STXBP5L: variants seen among roughly 807,000 people sequenced by gnomAD.
The protein encoded by STXBP5L is syntaxin-binding protein 5-like.
Under a neutral mutation model 144.5 loss-of-function variants are expected in STXBP5L, and 65 were observed. That is an observed-to-expected ratio of 0.45 (90% CI 0.37 to 0.55). The LOEUF (loss-of-function observed/expected upper bound fraction) is 0.55, where lower values mean the gene tolerates loss of function less well. STXBP5L is among the 20% of genes least tolerant of loss of function. The pLI, the probability that STXBP5L is intolerant of heterozygous loss-of-function variation, is 0.00. For synonymous variants in STXBP5L, 505 were observed against 469.6 expected (o/e 1.08, Z -0.97); for missense variants, 1,298 against 1,405.5 (o/e 0.92, Z 1.22).
chr3:121,313,048 C>A (rs1468943048), intron 19 of STXBP5L, among the ~76,000 whole-genome samples: 10 of 148,248 alleles, frequency 6.7e-5, no homozygotes, highest in East Asian at 4.2e-4. Context: ...CGGGCAGAAG[C>A]GCCCCTCACC....
At chr3:121,350,765 T>C (rs2108611178) in intron 20 of STXBP5L, among the ~76,000 whole-genome samples, 1 of 152,296 alleles carries the variant, frequency 6.6e-6, no homozygotes, top group Admixed American at 6.5e-5. Flanking sequence ...CTACTGAGGC[T>C]TGTGCATTCA....
At chr3:121,092,746 A>G (rs950944770) in intron 5 of STXBP5L, among the ~76,000 whole-genome samples, 1 of 152,160 alleles carries the variant, frequency 6.6e-6, no homozygotes, top group African/African-American at 2.4e-5. Context: ...CTCTTTTCCT[A>G]ATTGAATACC....
chr3:121,198,419 C>T (rs1197099237), intron 9 of STXBP5L, among the ~76,000 whole-genome samples: 2 of 152,000 alleles, frequency 1.3e-5, no homozygotes, highest in African/African-American at 4.8e-5. Context: ...AAAATTTTCT[C>T]CCATTCTGTT....
At chr3:121,315,313 G>T (rs2043744486) in intron 19 of STXBP5L, among the ~76,000 whole-genome samples, 1 of 151,938 alleles carries the variant, frequency 6.6e-6, no homozygotes, top group Admixed American at 6.6e-5. Flanking sequence ...CCATAAAAAT[G>T]GATGAGTTCA....
At chr3:120,937,708 A>T (rs1231177181) in intron 2 of STXBP5L, among the ~76,000 whole-genome samples, 1 of 152,218 alleles carries the variant, frequency 6.6e-6, no homozygotes, top group Non-Finnish European at 1.5e-5. Context: ...ATGCCAGACT[A>T]GAAATGGAAA....
intron 5 of STXBP5L, among the ~76,000 whole-genome samples, chr3:121,090,298 T>A (rs1020839601): frequency 2.0e-5 from 3 of 152,080 alleles, no homozygotes; most frequent in Non-Finnish European, 4.4e-5. Flanking sequence ...CTCACTGACA[T>A]CTTAGATAGG....
intron 22 of STXBP5L, among the ~76,000 whole-genome samples, chr3:121,391,696 C>T (rs2046588860): frequency 6.6e-6 from 1 of 152,190 alleles, no homozygotes; most frequent in Admixed American, 6.5e-5. Context: ...CCCTGTTTGC[C>T]TTGGTATCAC....
At chr3:121,359,983 T>TATAATATATATATTATTACTATATA (rs2045656241) in intron 20 of STXBP5L, among the ~76,000 whole-genome samples, 1 of 110,924 alleles carries the variant, frequency 9.0e-6, no homozygotes, top group Non-Finnish European at 1.8e-5. Flanking sequence ...TAATATAATA[T>TATAATATATATATTATTACTATATA]ATATAATATA....
chr3:121,004,534 C>T, intron 3 of STXBP5L, among the ~76,000 whole-genome samples: 1 of 151,710 alleles, frequency 6.6e-6, no homozygotes. Flanking sequence ...TAATTGAATA[C>T]CCTTTATTTC....
At chr3:121,039,630 A>G (rs925332586) in intron 3 of STXBP5L, among the ~76,000 whole-genome samples, 12 of 151,830 alleles carry the variant, frequency 7.9e-5, no homozygotes, top group East Asian at 3.9e-4. Context: ...AGGTCTGTTC[A>G]TGATGAATTA....
chr3:121,081,865 C>T (rs1156642029), intron 5 of STXBP5L, among the ~76,000 whole-genome samples: 1 of 152,184 alleles, frequency 6.6e-6, no homozygotes, highest in East Asian at 1.9e-4. Flanking sequence ...GCCAGACTAG[C>T]AGGAAAGCTA....
At chr3:121,315,382 A>G (rs1294997006) in intron 19 of STXBP5L, among the ~76,000 whole-genome samples, 1 of 151,720 alleles carries the variant, frequency 6.6e-6, no homozygotes, top group Admixed American at 6.6e-5. Context: ...AACTATCGCA[A>G]GGACAAAAAA....
At chr3:121,340,948 G>T (rs1301884702) in intron 20 of STXBP5L, among the ~76,000 whole-genome samples, 1 of 151,740 alleles carries the variant, frequency 6.6e-6, no homozygotes. Context: ...TTAAAATCAT[G>T]GATTATAAGA....
At chr3:121,003,623 T>C (rs1943981470) in intron 3 of STXBP5L, among the ~76,000 whole-genome samples, 1 of 152,236 alleles carries the variant, frequency 6.6e-6, no homozygotes, top group South Asian at 2.1e-4. Context: ...ATGAAGTCCT[T>C]GCCCATGCCT....
chr3:121,059,241 A>G (rs1182712427), intron 5 of STXBP5L, among the ~76,000 whole-genome samples: 2 of 152,102 alleles, frequency 1.3e-5, no homozygotes, highest in East Asian at 3.9e-4. Context: ...TCCTTTCCTT[A>G]TTGCTTGTTT....
chr3:120,960,331 C>T (rs1293431615), intron 3 of STXBP5L, among the ~76,000 whole-genome samples: 1 of 152,064 alleles, frequency 6.6e-6, no homozygotes, highest in Non-Finnish European at 1.5e-5. Context: ...CTAGTTCAAC[C>T]ATTGTGGAAG....
intron 25 of STXBP5L, among the ~76,000 whole-genome samples, 197 bp downstream of exon 25, chr3:121,416,165 T>A (rs1212331196): frequency 6.6e-6 from 1 of 152,034 alleles, no homozygotes; most frequent in African/African-American, 2.4e-5. Flanking sequence ...TGGAAAGTGG[T>A]CACTTCATAT....
chr3:120,943,731 C>T (rs1710690787), intron 2 of STXBP5L, among the ~76,000 whole-genome samples: 1 of 151,396 alleles, frequency 6.6e-6, no homozygotes, highest in South Asian at 2.1e-4. Flanking sequence ...CAAAATAGCC[C>T]TTTTGTGGCT....
At chr3:121,155,319 T>G (rs2046074831) in intron 8 of STXBP5L, among the ~76,000 whole-genome samples, 2 of 152,012 alleles carry the variant, frequency 1.3e-5, no homozygotes, top group Non-Finnish European at 3.0e-5. Context: ...CCTTTGCTCC[T>G]TCTAACTTCT....
Sources: gnomAD v4.1 joint callset for allele counts (sites outside exome capture counted in the v4.1 genomes callset) on GRCh38, gnomAD v4.1.1 for gene constraint, MANE v1.5 for transcripts, NCBI Gene and HGNC (gene_info 2026-07-23, HGNC 2026-07-21) for gene names.